The following KCNQ1 variants were observed in gnomAD, a reference collection of about 807,000 sequenced individuals.
KCNQ1 encodes the protein potassium voltage-gated channel subfamily Q member 1.
In KCNQ1, 49 loss-of-function variants were observed where a neutral mutation model predicts 72.4. The observed-to-expected ratio is 0.68, with a 90% CI of 0.54 to 0.86. KCNQ1 has a LOEUF of 0.86. Ranked by LOEUF, KCNQ1 falls within the 40% of genes least tolerant of loss-of-function variation. The probability of loss-of-function intolerance (pLI) is 0.00; values close to 1 mark genes in which losing one functional copy is unlikely to be tolerated. For missense variants in KCNQ1, 790 were observed against 945.1 expected (o/e 0.84, Z 2.15); for synonymous variants, 450 against 412.6 (o/e 1.09, Z -1.10).
chr11:2,655,637 AAG>A (rs1849831947), intron 10 of KCNQ1: 1 of 398,574 alleles, frequency 2.5e-6, no homozygotes. Flanking sequence ...CCTGGCCTGA[AAG>A]AGGCAGCACC....
Position 2,703,714 on chromosome 11 carries a change from A to G in KCNQ1, c.1514+41633A>G, listed in dbSNP as rs1850859722. Among the ~76,000 whole-genome samples, 2 of 152,164 alleles carry G rather than the reference A, an allele frequency of 1.3e-5. No homozygotes were observed. Among genetic ancestry groups the G allele is most frequent in the Admixed American group, 1.3e-4 (2 of 15,286 alleles). On this transcript the variant is annotated intron_variant, in intron 11 of 15. Coordinates refer to ENST00000155840, the MANE Select transcript of KCNQ1 (RefSeq NM_000218.3). This position sits in a 1 kb window ranked among gnomAD's most constrained non-coding sequence, Gnocchi z 6.4. ...CCTCTTCTGCAGTGCAAGGCAGGAG[A>G]AAGAACTGCTGTGGGAGCCCCTCAC...
rs527584988 is a variant in KCNQ1, at chr11:2,601,740, G to A, written c.1393+12886G>A. On this transcript the variant is annotated intron_variant, in intron 10 of 15. Transcript: ENST00000155840. The surrounding 1 kb of genome is among the most constrained non-coding windows in gnomAD (Gnocchi z 5.2). Reference sequence around the variant, plus strand: ...GGATTCATTCCGGTTGTTTTGTATCGCGACAGTTCATTAAATCATAGTGCT... The same window carrying A: ...GGATTCATTCCGGTTGTTTTGTATCACGACAGTTCATTAAATCATAGTGCT... 7.2e-5 allele frequency among the ~76,000 whole-genome samples: 11 copies of A among 152,214 alleles called. No homozygotes were observed. In the East Asian group the frequency reaches 7.7e-4, roughly 11 times the overall value.
At position 2,522,113 on chromosome 11, in the gene KCNQ1, G is replaced by A. The variant is rs552418465; in HGVS notation, c.387-5815G>A. On this transcript the variant is annotated intron_variant, in intron 1 of 15. Transcript: ENST00000155840. ...GGTGCCTTCGGGGCTGGTACTCGCC[G>A]TCACTGCTCCTGAGGCCTATTTGCT... 3.4e-3 allele frequency among the ~76,000 whole-genome samples: 519 copies of A among 152,350 alleles called. 1 individual carries two copies. Among genetic ancestry groups the A allele is most frequent in the Admixed American group, 5.2e-3 (80 of 15,314 alleles).
chr11:2,466,371 C>T (rs960988988), intron 1 of KCNQ1, among the ~76,000 whole-genome samples: 6 of 152,148 alleles, frequency 3.9e-5, no homozygotes, highest in Non-Finnish European at 7.4e-5. Flanking sequence ...CCCTACTTTG[C>T]AGGAGGAGGG....
Position 2,677,337 on chromosome 11 carries a change from A to C in KCNQ1, c.1514+15256A>C. ...AAAATGATGTCAAATGATTTCTCAA[A>C]TAGAGACTGGGCAGAGTAGACCAGT... is the stretch of plus-strand genomic sequence containing the variant. On this transcript the variant is annotated intron_variant, in intron 11 of 15. Coordinates refer to ENST00000155840, the MANE Select transcript of KCNQ1 (RefSeq NM_000218.3). This position sits in a 1 kb window ranked among gnomAD's most constrained non-coding sequence, Gnocchi z 4.5. 1 of 398,640 alleles carries C rather than the reference A, an allele frequency of 2.5e-6. No individual in the cohort carries two copies. Among genetic ancestry groups the C allele is most frequent in the Non-Finnish European group, 4.4e-6 (1 of 226,064 alleles). 24.7% of individuals were successfully genotyped at this position (398,640 alleles called of 1,614,324 possible).
rs1056413883 is a variant in KCNQ1 at position 2,678,423 on chromosome 11, G to C, written c.1514+16342G>C. Reference sequence around the variant, plus strand: ...TCCAGTTGTCCAACACTATTTATTTGAGTACATCATCATCTCTCTACTAAT... The same window carrying C: ...TCCAGTTGTCCAACACTATTTATTTCAGTACATCATCATCTCTCTACTAAT... On this transcript the variant is annotated intron_variant, in intron 11 of 15. Coordinates refer to ENST00000155840, the MANE Select transcript of KCNQ1 (RefSeq NM_000218.3). The surrounding 1 kb of genome is among the most constrained non-coding windows in gnomAD (Gnocchi z 4.9). 2.5e-6 allele frequency: 1 copy of C among 398,482 alleles called. No homozygotes were observed. The highest frequency in any genetic ancestry group is 4.4e-6 in the Non-Finnish European group (1 of 226,032). The allele number at this position is 398,482 out of a possible 1,614,324, so 24.7% of individuals were successfully genotyped here. A position where few individuals can be genotyped will look rare whatever the true frequency, so the allele number is the denominator to read the frequency against.
intron 2 of KCNQ1, among the ~76,000 whole-genome samples, chr11:2,539,507 G>A (rs1589938466): frequency 1.3e-5 from 2 of 152,218 alleles, no homozygotes; most frequent in East Asian, 3.9e-4. Flanking sequence ...ACCCTGTGCG[G>A]ACTCCACCGC....
rs28716564 is a variant in KCNQ1 at position 2,592,408 on chromosome 11, G to A, written c.1393+3554G>A. Among the ~76,000 whole-genome samples the A allele has an allele frequency of 6.6e-6, 1 of 152,168 alleles. No individual in the cohort carries two copies. The highest frequency in any genetic ancestry group is 6.5e-5 in the Admixed American group (1 of 15,286). ...ACAGACTAACCTGCAGCAAAAATGG[G>A]CTGTGTGGTCCCTGTAGAGCAGCCT... On this transcript the variant is annotated intron_variant, in intron 10 of 15. Coordinates refer to ENST00000155840, the MANE Select transcript of KCNQ1 (RefSeq NM_000218.3). This position sits in a 1 kb window ranked among gnomAD's most constrained non-coding sequence, Gnocchi z 5.2.
intron 8 of KCNQ1, among the ~76,000 whole-genome samples, chr11:2,585,741 C>T (rs1163638921): frequency 2.0e-5 from 3 of 152,182 alleles, no homozygotes; most frequent in East Asian, 1.9e-4. Flanking sequence ...CCTCAGGGCT[C>T]GGGAGGCCCT....
chr11:2,451,578 C>T lies in KCNQ1; in HGVS notation c.386+6094C>T, dbSNP rs1241205449. ...GGTGGATGGACCAGCAGAAAGGCTC[C>T]CAGGAGGGTCGTGGCTCCCTCATCG... is the stretch of plus-strand genomic sequence containing the variant. On this transcript the variant is annotated intron_variant, in intron 1 of 15. Transcript: ENST00000155840. The surrounding 1 kb of genome is among the most constrained non-coding windows in gnomAD (Gnocchi z 6.4). 6.6e-6 allele frequency among the ~76,000 whole-genome samples: 1 copy of T among 152,152 alleles called. No homozygotes were observed. The highest frequency in any genetic ancestry group is 6.5e-5 in the Admixed American group (1 of 15,284).
Position 2,781,281 on chromosome 11 carries a change from G to A in KCNQ1, c.1794+3244G>A, listed in dbSNP as rs1846818274. Among the ~76,000 whole-genome samples the A allele has an allele frequency of 6.6e-6, 1 of 152,186 alleles. No individual in the cohort carries two copies. The highest frequency in any genetic ancestry group is 2.4e-5 in the African/African-American group (1 of 41,436). On this transcript the variant is annotated intron_variant, in intron 15 of 15. Transcript: ENST00000155840. This position sits in a 1 kb window ranked among gnomAD's most constrained non-coding sequence, Gnocchi z 6.6. ...CAGAGAGGCTGAGTGGTCGCCTGAGGTCACACAGCTAGTTAGGTGAAGAGC... is the reference window on the plus strand; with the variant it reads ...CAGAGAGGCTGAGTGGTCGCCTGAGATCACACAGCTAGTTAGGTGAAGAGC...
chr11:2,770,837 G>A (rs1159667866), intron 12 of KCNQ1, among the ~76,000 whole-genome samples: 2 of 152,250 alleles, frequency 1.3e-5, no homozygotes, highest in African/African-American at 4.8e-5. Context: ...ATGGAAGAGA[G>A]AGGCCAGCCT....
chr11:2,827,938 C>A lies in KCNQ1; in HGVS notation c.1795-19829C>A, dbSNP rs547680137. On this transcript the variant is annotated intron_variant, in intron 15 of 15. Transcript: ENST00000155840. This position sits in a 1 kb window ranked among gnomAD's most constrained non-coding sequence, Gnocchi z 6.7. ...AGTGGTGAGGTCAGGGGCCGGGAAC[C>A]CTATGGTGGTGTTGGCCCTGAGTCC... is the stretch of plus-strand genomic sequence containing the variant. 1.3e-5 allele frequency among the ~76,000 whole-genome samples: 2 copies of A among 152,290 alleles called. No individual in the cohort carries two copies. The highest frequency in any genetic ancestry group is 3.9e-4 in the East Asian group (2 of 5,180).
intron 15 of KCNQ1, among the ~76,000 whole-genome samples, chr11:2,823,545 C>A (rs1847781942): frequency 6.6e-6 from 1 of 152,210 alleles, no homozygotes; most frequent in African/African-American, 2.4e-5. Context: ...ACAGGGAGGT[C>A]CAAGCCCAGC....
rs1004915151 is a variant in KCNQ1 at position 2,746,761 on chromosome 11, G to A, written c.1515-22083G>A. On this transcript the variant is annotated intron_variant, in intron 11 of 15. Transcript: ENST00000155840. This position sits in a 1 kb window ranked among gnomAD's most constrained non-coding sequence, Gnocchi z 5.9. ...CGTGGCTGTCAATCTCTTCAACTGTGATTTGTTCTTTTCCCCCTTTGCAGA... is the reference window on the plus strand; with the variant it reads ...CGTGGCTGTCAATCTCTTCAACTGTAATTTGTTCTTTTCCCCCTTTGCAGA... 6.6e-6 allele frequency among the ~76,000 whole-genome samples: 1 copy of A among 152,246 alleles called. No individual in the cohort carries two copies. The highest frequency in any genetic ancestry group is 1.5e-5 in the Non-Finnish European group (1 of 68,038).
chr11:2,555,134 T>C (rs1453810681), intron 2 of KCNQ1, among the ~76,000 whole-genome samples: 1 of 152,110 alleles, frequency 6.6e-6, no homozygotes, highest in Non-Finnish European at 1.5e-5. Flanking sequence ...GTAAACAGGG[T>C]TCAACCCTGC....
At chr11:2,521,264 G>A (rs758319950) in intron 1 of KCNQ1, among the ~76,000 whole-genome samples, 9 of 151,634 alleles carry the variant, frequency 5.9e-5, no homozygotes, top group Admixed American at 2.0e-4. Flanking sequence ...CCGTGGATCC[G>A]TCCTCCCCAT....
Position 2,471,119 on chromosome 11 carries a change from A to G in KCNQ1, c.386+25635A>G, listed in dbSNP as rs145971402. On this transcript the variant is annotated intron_variant, in intron 1 of 15. Coordinates refer to ENST00000155840, the MANE Select transcript of KCNQ1 (RefSeq NM_000218.3). The surrounding 1 kb of genome is among the most constrained non-coding windows in gnomAD (Gnocchi z 4.8). ...GTTCTACCCGCCCTCACCACCCTGT[A>G]TCAACTCATCTCATCGATATCTCCC... is the stretch of plus-strand genomic sequence containing the variant. Among the ~76,000 whole-genome samples the G allele has an allele frequency of 6.6e-6, 1 of 151,976 alleles. No homozygotes were observed. The highest frequency in any genetic ancestry group is 1.5e-5 in the Non-Finnish European group (1 of 67,928).
intron 10 of KCNQ1, among the ~76,000 whole-genome samples, chr11:2,604,353 C>T (rs1848849484): frequency 6.6e-6 from 1 of 151,476 alleles, no homozygotes; most frequent in Non-Finnish European, 1.5e-5. Context: ...TGGCAGGTGC[C>T]TGTAATTCCA....
Sources: gnomAD v4.1 joint callset for allele counts (sites outside exome capture counted in the v4.1 genomes callset) on GRCh38, gnomAD v4.1.1 for gene constraint, Gnocchi (gnomAD v3.1) non-coding constraint, MANE v1.5 for transcripts, NCBI Gene and HGNC (gene_info 2026-07-23, HGNC 2026-07-21) for gene names.